The following CDK17 variants were observed in gnomAD, a reference collection of about 807,000 sequenced individuals.
CDK17 encodes cyclin-dependent kinase 17.
In CDK17, 24 loss-of-function variants were observed where a neutral mutation model predicts 77.6. That is an observed-to-expected ratio of 0.31 (90% CI 0.22 to 0.44). The LOEUF is 0.44. CDK17 is among the 20% of genes least tolerant of loss of function. CDK17 has a pLI of 1.00. For missense variants in CDK17, 429 were observed against 622.5 expected, an observed-to-expected ratio of 0.69 and a Z score of 3.31; for synonymous variants, 203 against 210.4, an observed-to-expected ratio of 0.96 and a Z score of 0.30.
intron 1 of CDK17, among the ~76,000 whole-genome samples, chr12:96,372,011 T>TGTGTG (rs1953703159): frequency 8.8e-4 from 8 of 9,134 alleles, no homozygotes; most frequent in African/African-American, 1.7e-3. Flanking sequence ...GAGTGTGTGT[T>TGTGTG]TGTGTGTGTG....
intron 2 of CDK17, among the ~76,000 whole-genome samples, chr12:96,325,097 AAAG>A (rs1348974461): frequency 6.6e-6 from 1 of 152,224 alleles, no homozygotes; most frequent in Non-Finnish European, 1.5e-5. Flanking sequence ...TTCCACCTCC[AAAG>A]AAGAGCTCTG....
chr12:96,352,749 G>A (rs1238169551), intron 1 of CDK17, among the ~76,000 whole-genome samples: 1 of 152,110 alleles, frequency 6.6e-6, no homozygotes, highest in African/African-American at 2.4e-5. Flanking sequence ...CAGAGACCAA[G>A]AAACAGAAAA....
At position 96,298,962 on chromosome 12, in the gene CDK17, T is replaced by G; in HGVS notation, c.622A>C (p.Lys208Gln). ...LGEGTYATVY[K>Q]GRSKLTENLV... ...TTCTCTGTCAATTTACTTCTTCCTT[T>G]ATATACTGTTGCATATGTACCCTAT... Residue 208 changes from lysine to glutamine, a missense_variant, in exon 7 of 17, where the codon AAA becomes CAA. This residue lies in a region of CDK17 where 262 missense variants were observed against 385.4 expected (regional missense o/e 0.68). Transcript: ENST00000261211. The G allele has an allele frequency of 1.3e-6, 2 of 1,585,010 alleles. No individual in the cohort carries two copies. The highest frequency in any genetic ancestry group is 1.7e-6 in the Non-Finnish European group (2 of 1,154,034).
chr12:96,298,214 G>C (rs1952440006), intron 7 of CDK17, among the ~76,000 whole-genome samples: 2 of 151,732 alleles, frequency 1.3e-5, no homozygotes, highest in Admixed American at 1.3e-4. Flanking sequence ...GTGAACCCAG[G>C]AGGCGGAGCT....
At chr12:96,344,744 T>C (rs1205259734) in intron 1 of CDK17, among the ~76,000 whole-genome samples, 1 of 152,172 alleles carries the variant, frequency 6.6e-6, no homozygotes, top group East Asian at 1.9e-4. Flanking sequence ...TAAAGGTAAT[T>C]ACACAGGTAA....
rs543121648 is a variant in CDK17, at chr12:96,386,049, T to C, written c.-30+13937A>G. 5.9e-5 allele frequency among the ~76,000 whole-genome samples: 9 copies of C among 152,352 alleles called. No individual in the cohort carries two copies. The South Asian group carries it at 1.7e-3, about 28-fold the overall frequency. ...TTGCTTTGTTTTGAGATAGGGTCTC[T>C]AACTCTGTCACGCTGGCTGGGGAGC... is the stretch of plus-strand genomic sequence containing the variant. On this transcript the variant is annotated intron_variant, in intron 1 of 16. Transcript: ENST00000261211.
At chr12:96,379,676 C>G (rs1953844826) in intron 1 of CDK17, among the ~76,000 whole-genome samples, 1 of 152,066 alleles carries the variant, frequency 6.6e-6, no homozygotes, top group Non-Finnish European at 1.5e-5. Context: ...GCAATCCTTT[C>G]ACCTTGGCTT....
chr12:96,365,801 G>C (rs1314709163), intron 1 of CDK17, among the ~76,000 whole-genome samples: 1 of 152,236 alleles, frequency 6.6e-6, no homozygotes, highest in Non-Finnish European at 1.5e-5. Flanking sequence ...CAGCTACTTG[G>C]GGGGCTGAGG....
intron 1 of CDK17, among the ~76,000 whole-genome samples, chr12:96,346,023 C>T (rs1049538553): frequency 1.3e-5 from 2 of 152,154 alleles, no homozygotes; most frequent in Non-Finnish European, 2.9e-5. Flanking sequence ...CCCAATCCAC[C>T]TAAATGCTGT....
At chr12:96,327,490 A>T (rs1952906630) in intron 2 of CDK17, among the ~76,000 whole-genome samples, 1 of 152,168 alleles carries the variant, frequency 6.6e-6, no homozygotes, top group Non-Finnish European at 1.5e-5. Context: ...AGTTTCACAC[A>T]CACTCCTACC....
intron 1 of CDK17, among the ~76,000 whole-genome samples, chr12:96,354,853 C>T (rs1003728449): frequency 1.4e-4 from 22 of 152,076 alleles, no homozygotes; most frequent in African/African-American, 5.3e-4. Flanking sequence ...CACTGCACTC[C>T]AGCCTGGGAA....
At chr12:96,283,345 A>G (rs1026478576) in intron 14 of CDK17, among the ~76,000 whole-genome samples, 3 of 152,226 alleles carry the variant, frequency 2.0e-5, no homozygotes, top group African/African-American at 7.2e-5. Flanking sequence ...GAGAGCATCA[A>G]TTGCAGAGAA....
chr12:96,355,205 CT>C lies in CDK17; in HGVS notation c.-29-20341del, dbSNP rs561960393. ...AGCTGTCTCTTTTTTTGCACTTGCC[CT>C]TCCTCTGCTTGGAATGCATTTTCTC... On this transcript the variant is annotated intron_variant, in intron 1 of 16. Coordinates refer to ENST00000261211, the MANE Select transcript of CDK17 (RefSeq NM_002595.5). Among the ~76,000 whole-genome samples the C allele has an allele frequency of 1.4e-4, 22 of 151,874 alleles. No individual in the cohort carries two copies. In the South Asian group the frequency reaches 2.3e-3, roughly 16 times the overall value.
intron 1 of CDK17, among the ~76,000 whole-genome samples, chr12:96,397,780 T>C (rs1206608125): frequency 1.3e-5 from 2 of 152,238 alleles, no homozygotes; most frequent in African/African-American, 2.4e-5. Flanking sequence ...AGCCTCAATA[T>C]GGCCTTTCAA....
intron 1 of CDK17, among the ~76,000 whole-genome samples, chr12:96,362,849 AT>A (rs1953516704): frequency 6.6e-6 from 1 of 152,168 alleles, no homozygotes; most frequent in African/African-American, 2.4e-5. Context: ...GGAGGAATGT[AT>A]TTCACCTATC....
Position 96,334,748 on chromosome 12 carries a change from G to T in CDK17, c.89C>A (p.Thr30Asn). 1 of 1,606,940 alleles carries T rather than the reference G, an allele frequency of 6.2e-7. No individual in the cohort carries two copies. Among genetic ancestry groups the T allele is most frequent in the Non-Finnish European group, 8.5e-7 (1 of 1,173,762 alleles). ...ESLSELAEQM[T>N]IEENSSKDNE... ...ATCCTTGCTGCTGTTTTCTTCAATA[G>T]TCATTTGTTCAGCCAATTCAGACAA... is the stretch of plus-strand genomic sequence containing the variant. Residue 30 changes from threonine to asparagine, a missense_variant, in exon 2 of 17, where the codon ACT becomes AAT. Physicochemically the swap from Thr to Asn is moderately conservative, Grantham distance 65 (BLOSUM62 0). Transcript: ENST00000261211.
chr12:96,399,398 G>A (rs1425518668), intron 1 of CDK17: 1 of 152,596 alleles, frequency 6.6e-6, no homozygotes, highest in African/African-American at 2.4e-5. Context: ...AGGCTGCCCT[G>A]ATCTTTGTCT....
At chr12:96,287,834 T>G (rs1234737802) in intron 11 of CDK17, among the ~76,000 whole-genome samples, 1 of 152,156 alleles carries the variant, frequency 6.6e-6, no homozygotes, top group Admixed American at 6.5e-5. Flanking sequence ...ATTTTTAGCC[T>G]TAAAAAGGAA....
At chr12:96,324,713 G>A (rs1309404797) in intron 2 of CDK17, among the ~76,000 whole-genome samples, 1 of 151,804 alleles carries the variant, frequency 6.6e-6, no homozygotes, top group African/African-American at 2.4e-5. Flanking sequence ...GTTGCAGTGA[G>A]CCAAGATCAC....
Sources: allele counts gnomAD v4.1 joint callset (sites outside exome capture counted in the v4.1 genomes callset), GRCh38; gene constraint gnomAD v4.1.1; regional missense constraint gnomAD v4.1.1; transcripts MANE v1.5; gene names NCBI Gene and HGNC (gene_info 2026-07-23, HGNC 2026-07-21).